Variants in ATM observed in about 807,000 individuals in gnomAD.
ATM encodes the protein ATM serine/threonine kinase, also known as serine-protein kinase ATM.
In ATM, 308 loss-of-function variants were observed where a neutral mutation model predicts 387.0. The ratio of observed to expected loss-of-function variants is 0.80; its 90% CI spans 0.73 to 0.87. The LOEUF is 0.87. Among genes scored for constraint, ATM ranks in the 40% least tolerant of loss-of-function variants. The pLI, the probability that ATM is intolerant of heterozygous loss-of-function variation, is 0.00. For missense variants in ATM, 3,312 were observed against 3,560.9 expected (o/e 0.93, Z 1.78); for synonymous variants, 1,156 against 1,187.3 (o/e 0.97, Z 0.54).
chr11:108,336,107 A>G (rs1591200568), intron 56 of ATM, 146 bp downstream of exon 56: 4 of 639,434 alleles, frequency 6.3e-6, no homozygotes, highest in Non-Finnish European at 1.1e-5. Flanking sequence ...GACCAGCCTC[A>G]GCAACATAGT....
intron 5 of ATM, among the ~76,000 whole-genome samples, chr11:108,243,369 T>G (rs143047874): frequency 1.1e-3 from 170 of 152,238 alleles, no homozygotes; most frequent in African/African-American, 4.0e-3. Context: ...TCCCAGCACT[T>G]TGGGAGACCA....
At chr11:108,359,153 C>CT (rs1207704510) in intron 61 of ATM, among the ~76,000 whole-genome samples, 1 of 150,816 alleles carries the variant, frequency 6.6e-6, no homozygotes, top group Non-Finnish European at 1.5e-5. Context: ...ATCCTAGTCT[C>CT]TGATAAAACA....
Position 108,367,437 on chromosome 11 carries a change from A to T in ATM, c.*1929A>T, listed in dbSNP as rs1456440357. 1 of 200,870 alleles carries T rather than the reference A, an allele frequency of 5.0e-6. No homozygotes were observed. Among genetic ancestry groups the T allele is most frequent in the East Asian group, 7.8e-5 (1 of 12,896 alleles). The allele number at this position is 200,870 out of a possible 1,614,324, so 12.4% of individuals were successfully genotyped here. ...GTATCTAGTTTGATACATAGGTAGA[A>T]GTGGAACATTTCTCTGTCCCCCAGC... is the stretch of plus-strand genomic sequence containing the variant. On this transcript the variant is annotated 3_prime_UTR_variant, in exon 63 of 63. Coordinates refer to ENST00000675843, the MANE Select transcript of ATM (RefSeq NM_000051.4).
intron 39 of ATM, among the ~76,000 whole-genome samples, chr11:108,310,591 C>G (rs1333166930): frequency 1.3e-5 from 2 of 151,918 alleles, no homozygotes; most frequent in Non-Finnish European, 2.9e-5. Context: ...TGTATATTCC[C>G]CATAATAGCC....
chr11:108,321,261 C>A (rs2136236987), intron 44 of ATM, 40 bp from the exon 45 acceptor site: 1 of 1,612,416 alleles, frequency 6.2e-7, no homozygotes, highest in Non-Finnish European at 8.5e-7. Flanking sequence ...CTGAAAACCT[C>A]TTCTTTATTT....
chr11:108,333,737 G>A (rs972943728), intron 53 of ATM, 149 bp from the exon 54 acceptor site: 3 of 733,596 alleles, frequency 4.1e-6, no homozygotes, highest in Non-Finnish European at 7.2e-6. Flanking sequence ...CTGCATAGTG[G>A]CCAAAGCCCA....
chr11:108,292,535 CA>C (rs2082850179), intron 29 of ATM, 83 bp from the exon 30 acceptor site: 1 of 1,483,704 alleles, frequency 6.7e-7, no homozygotes, highest in Non-Finnish European at 9.4e-7. Flanking sequence ...AGATGCTGAA[CA>C]AAAGGACTTC....
rs147738621 is a variant in ATM, at chr11:108,289,013, A to G, written c.4146A>G (p.Pro1382=). The change falls in exon 28 of 63, where the codon CCA becomes CCG. Residue 1382 remains proline (P), a synonymous_variant. Transcript: ENST00000675843. ...LDPAPNPPHF[P]SHVIKATFAY... ...CTGCTCCTAATCCACCTCATTTTCC[A>G]TCGCATGTGATTAAAGCAACATTTG... The G allele has an allele frequency of 9.9e-6, 16 of 1,613,490 alleles. No individual in the cohort carries two copies. The African/African-American group carries it at 1.7e-4, about 17-fold the overall frequency.
rs1004015639 is a variant in ATM at position 108,301,554 on chromosome 11, T to G, written c.5178-94T>G. The G allele has an allele frequency of 4.0e-6, 6 of 1,492,322 alleles. No homozygotes were observed. The African/African-American group carries it at 7.0e-5, about 17-fold the overall frequency. 92.4% of individuals were successfully genotyped at this position (1,492,322 alleles called of 1,614,324 possible). On this transcript the variant is annotated intron_variant, in intron 34 of 62. Transcript: ENST00000675843. ...ATGTAAAGTTTCCTAATACAAATTT[T>G]AAATTTTAGTTTTGAAATTTTTTCA...
intron 53 of ATM, 137 bp from the exon 54 acceptor site, chr11:108,333,749 A>C: frequency 2.6e-6 from 2 of 770,134 alleles, no homozygotes; most frequent in Non-Finnish European, 4.6e-6. Context: ...CAAAGCCCAG[A>C]GTCTTCATTT....
Position 108,353,826 on chromosome 11 carries a change from C to G in ATM, c.8732C>G (p.Thr2911Ser), listed in dbSNP as rs794728018. ...PTPETVPFRL[T>S]RDIVDGMGIT... ...CCTGAGACAGTTCCTTTTAGACTCA[C>G]CAGAGATATTGTGGATGGCATGGGC... The change falls in exon 60 of 63, where the codon ACC (threonine) becomes AGC (serine). Residue 2911 changes from threonine to serine, a missense_variant. Transcript: ENST00000675843. 6.2e-7 allele frequency: 1 copy of G among 1,614,018 alleles called. No homozygotes were observed. The highest frequency in any genetic ancestry group is 8.5e-7 in the Non-Finnish European group (1 of 1,179,994).
At chr11:108,294,872 T>C (rs960362047) in intron 31 of ATM, 55 bp from the exon 32 acceptor site, 30 of 1,603,618 alleles carry the variant, frequency 1.9e-5, no homozygotes, top group African/African-American at 2.7e-5. Flanking sequence ...TATTAAGTTT[T>C]ATTTCACAGG....
intron 29 of ATM, chr11:108,290,603 A>T (rs1367346545): frequency 1.4e-5 from 2 of 142,262 alleles, no homozygotes; most frequent in African/African-American, 5.5e-5. Flanking sequence ...GTGCCACTAC[A>T]CTCCAGCCTG....
chr11:108,259,975 A>G (rs1308928003), intron 16 of ATM, among the ~76,000 whole-genome samples: 3 of 147,504 alleles, frequency 2.0e-5, no homozygotes, highest in Non-Finnish European at 4.5e-5. Flanking sequence ...AGTGCATGGT[A>G]TTCTATTGTG....
At chr11:108,232,690 C>T (rs1360856103) in intron 4 of ATM, among the ~76,000 whole-genome samples, 3 of 151,386 alleles carry the variant, frequency 2.0e-5, no homozygotes, top group Non-Finnish European at 4.4e-5. Flanking sequence ...TAGGCACACG[C>T]CGCCAGGCCC....
In ATM at chr11:108,325,516, T is replaced by C; in HGVS notation, c.6779T>C (p.Ile2260Thr). The change falls in exon 46 of 63, where the codon ATA becomes ACA. Residue 2260 changes from isoleucine to threonine, a missense_variant. Around this residue, in one of 4 missense-constraint regions of ATM, gnomAD observed 1,405 missense variants for 1,604.4 expected, o/e 0.88. Transcript: ENST00000675843. ...ILTKHLVELS[I>T]LARTFKNTQL... Reference sequence around the variant, plus strand: ...ACCAAACACCTTGTAGAACTCTCTATACTGGCCAGAACTTTCAAGAACACT... The same window carrying C: ...ACCAAACACCTTGTAGAACTCTCTACACTGGCCAGAACTTTCAAGAACACT... The C allele has an allele frequency of 6.2e-7, 1 of 1,611,604 alleles. No individual in the cohort carries two copies. The highest frequency in any genetic ancestry group is 8.5e-7 in the Non-Finnish European group (1 of 1,178,726).
At chr11:108,274,814 T>G (rs1204093829) in intron 22 of ATM, among the ~76,000 whole-genome samples, 1 of 152,198 alleles carries the variant, frequency 6.6e-6, no homozygotes, top group Non-Finnish European at 1.5e-5. Context: ...ATAAGTGTGA[T>G]GTGGTGCTGA....
rs1292473958 is a variant in ATM, at chr11:108,367,459, C to A, written c.*1951C>A. 5.0e-6 allele frequency: 1 copy of A among 201,856 alleles called. No homozygotes were observed. The highest frequency in any genetic ancestry group is 1.0e-5 in the Non-Finnish European group (1 of 98,298). The allele number at this position is 201,856 out of a possible 1,614,324, so 12.5% of individuals were successfully genotyped here. A position where few individuals can be genotyped will look rare whatever the true frequency, so the allele number is the denominator to read the frequency against. On this transcript the variant is annotated 3_prime_UTR_variant, in exon 63 of 63. Coordinates refer to ENST00000675843, the MANE Select transcript of ATM (RefSeq NM_000051.4). ...AGAAGTGGAACATTTCTCTGTCCCC[C>A]AGCTGTCATCATATAAGATAAACAT...
At chr11:108,293,954 T>TAA (rs2082981595) in intron 31 of ATM, among the ~76,000 whole-genome samples, 1 of 148,760 alleles carries the variant, frequency 6.7e-6, no homozygotes, top group African/African-American at 2.5e-5. Flanking sequence ...TGTGTGTGTG[T>TAA]AACGTGAGAT....
Sources: gnomAD v4.1 joint callset for allele counts (sites outside exome capture counted in the v4.1 genomes callset) on GRCh38, gnomAD v4.1.1 for gene constraint, gnomAD v4.1.1 regional missense constraint, MANE v1.5 for transcripts, NCBI Gene and HGNC (gene_info 2026-07-23, HGNC 2026-07-21) for gene names.